Variants in CD3G observed in about 807,000 individuals in gnomAD.
The protein encoded by CD3G is CD3 gamma subunit of T-cell receptor complex, also known as T-cell surface glycoprotein CD3 gamma chain.
A neutral mutation model predicts 28.3 loss-of-function variants in CD3G; 24 were observed. That is an observed-to-expected ratio of 0.85 (90% CI 0.61 to 1.19). The LOEUF (loss-of-function observed/expected upper bound fraction) is 1.19. Ranked by LOEUF, CD3G falls within the 50% of genes most tolerant of loss-of-function variation. CD3G has a pLI of 0.00. For synonymous variants in CD3G, 71 were observed against 75.9 expected, an observed-to-expected ratio of 0.93 and a Z score of 0.34; for missense variants, 211 against 210.0, an observed-to-expected ratio of 1.00 and a Z score of -0.03.
chr11:118,351,559 C>G (rs986554175), intron 4 of CD3G, 69 bp from the exon 5 acceptor site: 1 of 1,402,626 alleles, frequency 7.1e-7, no homozygotes, highest in East Asian at 2.3e-5. Context: ...TTTAGTATTC[C>G]ATTTTGTGAA....
rs370352015 is a variant in CD3G, at chr11:118,344,433, G to A, written c.10G>A (p.Gly4Arg). ...GAGGACAGAGACTGACATGGAACAG[G>A]GGAAGGGCCTGGCTGTCCTCATCCT... MEQ[G>R]KGLAVLILAI... Residue 4 changes from glycine (G) to arginine (R), a missense_variant, in exon 1 of 7, where the codon GGG becomes AGG. By Grantham distance (125) the Gly-to-Arg change is moderately radical. Coordinates refer to ENST00000532917, the MANE Select transcript of CD3G (RefSeq NM_000073.3). The A allele has an allele frequency of 8.3e-6, 13 of 1,571,356 alleles. No homozygotes were observed. The African/African-American group carries it at 1.8e-4, about 21-fold the overall frequency.
rs1948418534 is a variant in CD3G, at chr11:118,352,436, C to A, written c.516C>A (p.Ser172Arg). The A allele has an allele frequency of 6.2e-7, 1 of 1,613,972 alleles. No individual in the cohort carries two copies. The highest frequency in any genetic ancestry group is 1.1e-5 in the South Asian group (1 of 91,094). The part of the protein sequence containing the change: ...PLKDREDDQY[S>R]HLQGNQLRRN The stretch of plus-strand genomic sequence containing the variant: ...AGGATCGAGAAGATGACCAGTACAG[C>A]CACCTTCAAGGAAACCAGTTGAGGA... Residue 172 changes from serine to arginine, a missense_variant, in exon 6 of 7, where the codon AGC (serine) becomes AGA (arginine). Ser to Arg is a moderately radical substitution (Grantham distance 110). Transcript: ENST00000532917.
chr11:118,350,222 G>A, intron 3 of CD3G: 1 of 576,680 alleles, frequency 1.7e-6, no homozygotes, highest in South Asian at 2.0e-5. Flanking sequence ...TCAGCACTGA[G>A]TTGAATGAAG....
At position 118,348,957 on chromosome 11, in the gene CD3G, T is replaced by C. The variant is rs1948381061; in HGVS notation, c.56-70T>C. The C allele has an allele frequency of 5.2e-6, 8 of 1,544,610 alleles. No homozygotes were observed. In the South Asian group the frequency reaches 5.6e-5, roughly 11 times the overall value. ...TCTTCATCTTGGCCTCAAATAACCATGGAAATACTTCAGGGCATCTGAACA... is the reference window on the plus strand; with the variant it reads ...TCTTCATCTTGGCCTCAAATAACCACGGAAATACTTCAGGGCATCTGAACA... On this transcript the variant is annotated intron_variant, in intron 1 of 6. Transcript: ENST00000532917.
Position 118,346,082 on chromosome 11 carries a change from G to C in CD3G, c.55+1604G>C, listed in dbSNP as rs369501842. Among the ~76,000 whole-genome samples, 86 of 152,272 alleles carry C rather than the reference G, an allele frequency of 5.6e-4. 2 individuals carry two copies. The South Asian group carries it at 0.018, about 32-fold the overall frequency. ...CTGGATCCAGCTTGGACACCAATGA[G>C]CTATGTGTACTTGAACAACTCCTCC... On this transcript the variant is annotated intron_variant, in intron 1 of 6. Coordinates refer to ENST00000532917, the MANE Select transcript of CD3G (RefSeq NM_000073.3).
At chr11:118,348,424 A>G (rs1231863648) in intron 1 of CD3G, among the ~76,000 whole-genome samples, 1 of 152,192 alleles carries the variant, frequency 6.6e-6, no homozygotes, top group Non-Finnish European at 1.5e-5. Flanking sequence ...TGAAAAGGGC[A>G]AGGTCTAGGA....
intron 5 of CD3G, 86 bp downstream of exon 5, chr11:118,351,757 C>T: frequency 8.0e-7 from 1 of 1,257,670 alleles, no homozygotes; most frequent in Non-Finnish European, 1.2e-6. Context: ...TTGGAAGATC[C>T]TATACAGGTA....
intron 2 of CD3G, 180 bp from the exon 3 acceptor site, chr11:118,349,563 T>C (rs1948386595): frequency 1.5e-6 from 1 of 662,194 alleles, no homozygotes; most frequent in East Asian, 2.7e-5. Flanking sequence ...ATGTTAGTAA[T>C]GCAGAATCTC....
chr11:118,348,613 A>T (rs1948377687), intron 1 of CD3G, among the ~76,000 whole-genome samples: 1 of 152,060 alleles, frequency 6.6e-6, no homozygotes, highest in Non-Finnish European at 1.5e-5. Context: ...CGCTTGACTG[A>T]TCTCAATCTC....
chr11:118,354,304 C>CTTTTTTTTTTTTTTTTTTTTTTTTTT lies in CD3G; in HGVS notation c.*1220_*1221insTTTTTTTTTTTTTTTTTTTTTTTTTT, dbSNP rs71041832. The CTTTTTTTTTTTTTTTTTTTTTTTTTT allele has an allele frequency of 8.1e-6, 1 of 124,088 alleles. No homozygotes were observed. The highest frequency in any genetic ancestry group is 1.7e-5 in the Non-Finnish European group (1 of 59,906). The allele number at this position is 124,088 out of a possible 1,614,324, so 7.7% of individuals were successfully genotyped here. On this transcript the variant is annotated 3_prime_UTR_variant, in exon 7 of 7. Transcript: ENST00000532917. ...TTTTTTCTTTTCTTTTCTTTTTTTT[C>CTTTTTTTTTTTTTTTTTTTTTTTTTT]TTTTTTTTTTTTTTTTGAAGTGGAA...
At position 118,353,241 on chromosome 11, in the gene CD3G, G is replaced by A. The variant is rs199668856; in HGVS notation, c.*141G>A. The A allele has an allele frequency of 1.2e-4, 18 of 151,978 alleles. No homozygotes were observed. The highest frequency in any genetic ancestry group is 2.1e-4 in the Non-Finnish European group (14 of 67,990). The allele number at this position is 151,978 out of a possible 1,614,324, so 9.4% of individuals were successfully genotyped here. ...GTTCCCAGAGATGACAAATGGAGAA[G>A]AAAGGCCATCAGAGCAAATTTGGGG... On this transcript the variant is annotated 3_prime_UTR_variant, in exon 7 of 7. Transcript: ENST00000532917.
intron 4 of CD3G, 91 bp from the exon 5 acceptor site, chr11:118,351,537 C>T: frequency 1.0e-5 from 12 of 1,194,222 alleles, no homozygotes; most frequent in Non-Finnish European, 1.5e-5. Context: ...ATATATAAAA[C>T]TCTTATTGTT....
At chr11:118,351,060 T>C (rs1271861274) in intron 4 of CD3G, among the ~76,000 whole-genome samples, 4 of 151,042 alleles carry the variant, frequency 2.6e-5, no homozygotes, top group South Asian at 4.2e-4. Context: ...TGGTGGCGGG[T>C]GCCTGTAGTC....
chr11:118,344,527 G>A, intron 1 of CD3G, 49 bp downstream of exon 1: 1 of 1,447,728 alleles, frequency 6.9e-7, no homozygotes, highest in Non-Finnish European at 9.5e-7. Flanking sequence ...CTCAAGGGAA[G>A]AGCCCATCAC....
chr11:118,346,053 A>G (rs770031435), intron 1 of CD3G, among the ~76,000 whole-genome samples: 4 of 152,196 alleles, frequency 2.6e-5, no homozygotes, highest in Non-Finnish European at 4.4e-5. Context: ...AGAAAACCTG[A>G]GCTCTGGATC....
Position 118,350,747 on chromosome 11 carries a change from T to C in CD3G, c.439+64T>C, listed in dbSNP as rs1591285092. 19 of 1,611,928 alleles carry C rather than the reference T, an allele frequency of 1.2e-5. No homozygotes were observed. The East Asian group carries it at 4.2e-4, about 36-fold the overall frequency. ...AGACCCTCAGCTTTCCTCCTACCAT[T>C]ATGTACCCAATGGAAGAGACTGAGT... On this transcript the variant is annotated intron_variant, in intron 4 of 6. Coordinates refer to ENST00000532917, the MANE Select transcript of CD3G (RefSeq NM_000073.3).
In CD3G at chr11:118,349,957, A is replaced by T. The variant is rs201795915; in HGVS notation, c.294A>T (p.Gln98His). 4.3e-5 allele frequency: 69 copies of T among 1,612,946 alleles called. No homozygotes were observed. The Middle Eastern group carries it at 5.0e-4, about 12-fold the overall frequency. Reference protein sequence around the residue: ...KGSQNKSKPLQVYYRMCQNCI... With the variant: ...KGSQNKSKPLHVYYRMCQNCI... ...CACAGAACAAGTCAAAACCACTCCA[A>T]GTGTATTACAGAAGTATGTAATCCC... Residue 98 changes from glutamine to histidine, a missense_variant, in exon 3 of 7, where the codon CAA becomes CAT. Physicochemically the swap from Gln to His is conservative, Grantham distance 24. Transcript: ENST00000532917.
At chr11:118,346,706 G>C (rs1202032010) in intron 1 of CD3G, among the ~76,000 whole-genome samples, 1 of 151,540 alleles carries the variant, frequency 6.6e-6, no homozygotes, top group Non-Finnish European at 1.5e-5. Context: ...CCAGCTACTT[G>C]GGAGGCTGAA....
rs200476901 is a variant in CD3G, at chr11:118,349,724, A to G, written c.80-19A>G. 1 of 1,580,114 alleles carries G rather than the reference A, an allele frequency of 6.3e-7. No homozygotes were observed. Among genetic ancestry groups the G allele is most frequent in the Admixed American group, 1.7e-5 (1 of 59,986 alleles). Reference sequence around the variant, plus strand: ...CAGAGGCAAGATCCTTAATAGAACCACGGCTTTTCTCATTTCAGGAAACCA... The same window carrying G: ...CAGAGGCAAGATCCTTAATAGAACCGCGGCTTTTCTCATTTCAGGAAACCA... On this transcript the variant is annotated intron_variant, in intron 2 of 6. Transcript: ENST00000532917.
Sources: allele counts gnomAD v4.1 joint callset (sites outside exome capture counted in the v4.1 genomes callset), GRCh38; gene constraint gnomAD v4.1.1; transcripts MANE v1.5; gene names NCBI Gene and HGNC (gene_info 2026-07-23, HGNC 2026-07-21).